The following AFAP1 variants were observed in gnomAD, a reference collection of about 807,000 sequenced individuals.
AFAP1 encodes actin filament associated protein 1.
Under a neutral mutation model 93.9 loss-of-function variants are expected in AFAP1, and 75 were observed. That is an observed-to-expected ratio of 0.80 (90% CI 0.66 to 0.97). AFAP1 has a LOEUF of 0.97. AFAP1 is among the 50% of genes least tolerant of loss of function. The pLI is 0.00. For synonymous variants in AFAP1, 517 were observed against 430.7 expected (o/e 1.20, Z -2.48); for missense variants, 1,201 against 1,050.8 (o/e 1.14, Z -1.98).
intron 8 of AFAP1, among the ~76,000 whole-genome samples, chr4:7,810,414 A>C (rs557584100): frequency 6.6e-6 from 1 of 152,324 alleles, no homozygotes; most frequent in Admixed American, 6.5e-5. Flanking sequence ...TCACTGACGC[A>C]AAAGCTGTGA....
At chr4:7,862,520 T>C (rs538118057) in intron 3 of AFAP1, among the ~76,000 whole-genome samples, 3 of 152,042 alleles carry the variant, frequency 2.0e-5, no homozygotes, top group African/African-American at 4.8e-5. Context: ...ATACTACGAA[T>C]GTACTTCATG....
chr4:7,786,304 T>C lies in AFAP1; in HGVS notation c.1420A>G (p.Asn474Asp), dbSNP rs1162036849. 1 of 1,613,242 alleles carries C rather than the reference T, an allele frequency of 6.2e-7. No individual in the cohort carries two copies. The highest frequency in any genetic ancestry group is 1.1e-5 in the South Asian group (1 of 91,036). ...GGGTTAGCAGATATAACACGCCTGTTCATGAAACTGAAAGAAAGGAAATGC... is the reference window on the plus strand; with the variant it reads ...GGGTTAGCAGATATAACACGCCTGTCCATGAAACTGAAAGAAAGGAAATGC... ...QTAKQTFCFMNRRVISANPYL... is the reference protein window; with the variant it reads ...QTAKQTFCFMDRRVISANPYL... Residue 474 changes from asparagine (N) to aspartate (D), a missense_variant, in exon 12 of 18, where the codon AAC becomes GAC. Physicochemically the swap from Asn to Asp is conservative, Grantham distance 23 (BLOSUM62 1). Coordinates refer to ENST00000420658, the MANE Select transcript of AFAP1 (RefSeq NM_001134647.2).
intron 5 of AFAP1, 59 bp from the exon 6 acceptor site, chr4:7,838,762 G>A: frequency 6.3e-7 from 1 of 1,578,164 alleles, no homozygotes; most frequent in Non-Finnish European, 8.6e-7. Flanking sequence ...GAAACACTGA[G>A]GAAGCTCTAG....
chr4:7,915,617 A>G (rs1185097650), intron 1 of AFAP1, among the ~76,000 whole-genome samples: 1 of 152,254 alleles, frequency 6.6e-6, no homozygotes, highest in Non-Finnish European at 1.5e-5. Context: ...CTATGCTGCT[A>G]CTTTCTAATG....
chr4:7,776,353 A>C (rs887980972), intron 14 of AFAP1: 2 of 152,096 alleles, frequency 1.3e-5, no homozygotes, highest in African/African-American at 4.8e-5. Flanking sequence ...ACCCTCTCTA[A>C]AGCAGAAACG....
At chr4:7,826,711 G>A (rs1403261668) in intron 6 of AFAP1, among the ~76,000 whole-genome samples, 1 of 152,206 alleles carries the variant, frequency 6.6e-6, no homozygotes, top group Non-Finnish European at 1.5e-5. Flanking sequence ...GTAGGGGAGT[G>A]AGAGTGAGGC....
intron 2 of AFAP1, among the ~76,000 whole-genome samples, chr4:7,871,317 C>T (rs1236760378): frequency 2.0e-5 from 3 of 152,212 alleles, no homozygotes; most frequent in Admixed American, 2.0e-4. Flanking sequence ...GGGTGGTTCA[C>T]TGTGCCTGTA....
At chr4:7,927,560 C>T (rs1203852119) in intron 1 of AFAP1, among the ~76,000 whole-genome samples, 1 of 152,176 alleles carries the variant, frequency 6.6e-6, no homozygotes, top group Admixed American at 6.5e-5. Flanking sequence ...CGCGGTGGCT[C>T]ACGCCTGTAA....
At chr4:7,867,825 T>TC (rs776812181) in intron 3 of AFAP1, among the ~76,000 whole-genome samples, 1 of 151,984 alleles carries the variant, frequency 6.6e-6, no homozygotes, top group Non-Finnish European at 1.5e-5. Context: ...CCTGAGTCCC[T>TC]CCAAGACTCT....
chr4:7,832,705 G>A (rs1711776089), intron 6 of AFAP1, among the ~76,000 whole-genome samples: 1 of 148,070 alleles, frequency 6.8e-6, no homozygotes, highest in Non-Finnish European at 1.5e-5. Flanking sequence ...GCCAAAGCAG[G>A]ACTAAGCAAA....
At chr4:7,768,122 G>C (rs922939798) in intron 17 of AFAP1, among the ~76,000 whole-genome samples, 2 of 152,368 alleles carry the variant, frequency 1.3e-5, no homozygotes, top group African/African-American at 2.4e-5. Context: ...CACAGAGCCG[G>C]TACAGGAGGA....
rs1045254201 is a variant in AFAP1, at chr4:7,802,702, T to G, written c.1055-2049A>C. Among the ~76,000 whole-genome samples the G allele has an allele frequency of 1.1e-4, 16 of 146,156 alleles. No individual in the cohort carries two copies. In the East Asian group the frequency reaches 3.0e-3, roughly 28 times the overall value. ...TGTAGCCCAGGCTGGCAGGCTGGAG[T>G]GCAGTGGCGTGATCTCAGCTCACTG... On this transcript the variant is annotated intron_variant, in intron 9 of 17. Transcript: ENST00000420658.
chr4:7,934,667 G>T (rs562436653), intron 1 of AFAP1, among the ~76,000 whole-genome samples: 1 of 152,284 alleles, frequency 6.6e-6, no homozygotes, highest in South Asian at 2.1e-4. Flanking sequence ...GTGGCTGGAG[G>T]AGAGGCAGGT....
At chr4:7,847,792 T>TG in intron 4 of AFAP1, among the ~76,000 whole-genome samples, 1 of 36,568 alleles carries the variant, frequency 2.7e-5, no homozygotes, top group Admixed American at 2.2e-4. Flanking sequence ...TCAGGGGTAC[T>TG]CGGGGTGGGG....
At chr4:7,806,991 G>A (rs142029947) in intron 9 of AFAP1, among the ~76,000 whole-genome samples, 2 of 152,242 alleles carry the variant, frequency 1.3e-5, no homozygotes, top group East Asian at 3.9e-4. Flanking sequence ...GGGAAGGCCT[G>A]TGGGACAGGG....
Position 7,763,512 on chromosome 4 carries a change from A to G in AFAP1, c.*253T>C, listed in dbSNP as rs1577163434. The G allele has an allele frequency of 1.5e-5, 8 of 539,020 alleles. No homozygotes were observed. The East Asian group carries it at 2.2e-4, about 15-fold the overall frequency. The allele number at this position is 539,020 out of a possible 1,614,324, so 33.4% of individuals were successfully genotyped here. A position where few individuals can be genotyped will look rare whatever the true frequency, so the allele number is the denominator to read the frequency against. ...TTCGCCTGATAGCATCCTTTCAAAC[A>G]CCTTTCCATCACTTTTTTTGTTTTT... On this transcript the variant is annotated 3_prime_UTR_variant, in exon 18 of 18. Transcript: ENST00000420658.
Position 7,809,550 on chromosome 4 carries a change from A to C in AFAP1, c.1054+64T>G, listed in dbSNP as rs1719827330. On this transcript the variant is annotated intron_variant, in intron 9 of 17. Transcript: ENST00000420658. Reference sequence around the variant, plus strand: ...CTTGGATGAACTGGGTACCGACACCACTGCAGGAGAAAATGAAACCCACTT... The same window carrying C: ...CTTGGATGAACTGGGTACCGACACCCCTGCAGGAGAAAATGAAACCCACTT... 3 of 1,547,598 alleles carry C rather than the reference A, an allele frequency of 1.9e-6. No individual in the cohort carries two copies. The African/African-American group carries it at 4.1e-5, about 21-fold the overall frequency.
In AFAP1 at chr4:7,794,227, C is replaced by T. The variant is rs185486435; in HGVS notation, c.1267-401G>A. On this transcript the variant is annotated intron_variant, in intron 10 of 17. Coordinates refer to ENST00000420658, the MANE Select transcript of AFAP1 (RefSeq NM_001134647.2). ...CTGCTGCCTGACTTGGGAAGCGTGA[C>T]CAAGCTCCAGGCCCTTTACTGGTCG... is the stretch of plus-strand genomic sequence containing the variant. Among the ~76,000 whole-genome samples, 3 of 152,324 alleles carry T rather than the reference C, an allele frequency of 2.0e-5. No homozygotes were observed. The East Asian group carries it at 5.8e-4, about 29-fold the overall frequency.
At chr4:7,919,805 C>T (rs1048927125) in intron 1 of AFAP1, among the ~76,000 whole-genome samples, 13 of 151,900 alleles carry the variant, frequency 8.6e-5, no homozygotes, top group Admixed American at 7.9e-4. Flanking sequence ...CCTCGCCCCA[C>T]CCCCAACAGG....
Sources: allele counts gnomAD v4.1 joint callset (sites outside exome capture counted in the v4.1 genomes callset), GRCh38; gene constraint gnomAD v4.1.1; transcripts MANE v1.5; gene names NCBI Gene and HGNC (gene_info 2026-07-23, HGNC 2026-07-21).